SLC1A3: variants seen among roughly 807,000 people sequenced by gnomAD.
SLC1A3 encodes the protein solute carrier family 1 member 3.
Under a neutral mutation model 48.1 loss-of-function variants are expected in SLC1A3, and 21 were observed. That is an observed-to-expected ratio of 0.44 (90% confidence interval 0.31 to 0.63). The LOEUF (loss-of-function observed/expected upper bound fraction) is 0.63. Among genes scored for constraint, SLC1A3 ranks in the 20% least tolerant of loss-of-function variants. The pLI is 0.08. For missense variants in SLC1A3, 546 were observed against 689.0 expected, an observed-to-expected ratio of 0.79 and a Z score of 2.32; for synonymous variants, 239 against 251.4, an observed-to-expected ratio of 0.95 and a Z score of 0.47.
intron 3 of SLC1A3, among the ~76,000 whole-genome samples, chr5:36,640,039 G>A (rs549716551): frequency 8.5e-5 from 13 of 152,158 alleles, no homozygotes; most frequent in Admixed American, 2.0e-4. Context: ...AGGTGGGGGC[G>A]GCTGGGGGAA....
intron 6 of SLC1A3, among the ~76,000 whole-genome samples, chr5:36,678,708 C>T (rs1420026097): frequency 1.3e-5 from 2 of 152,100 alleles, no homozygotes; most frequent in East Asian, 3.8e-4. Context: ...ATCCAGGCAG[C>T]GAGGCCTTTA....
chr5:36,680,299 G>T, intron 7 of SLC1A3, 96 bp from the exon 8 acceptor site: 1 of 998,576 alleles, frequency 1.0e-6, no homozygotes. Context: ...GTTAGAACAT[G>T]GGAGAGGAAG....
In SLC1A3 at chr5:36,608,497, G is replaced by A. The variant is rs769225350; in HGVS notation, c.74G>A (p.Arg25His). ...MERFQQGVRK[R>H]TLLAKKKVQN... is the part of the protein sequence containing the mutation. ...AGATTCCAGCAGGGAGTCCGTAAACGCACACTTTTGGCCAAGAAGAAAGTG... is the reference window on the plus strand; with the variant it reads ...AGATTCCAGCAGGGAGTCCGTAAACACACACTTTTGGCCAAGAAGAAAGTG... Residue 25 changes from arginine (R) to histidine (H), a missense_variant, in exon 2 of 10, where the codon CGC becomes CAC. By Grantham distance (29) the Arg-to-His change is conservative. Around this residue, in one of 3 missense-constraint regions of SLC1A3, gnomAD observed 348 missense variants for 392.0 expected, o/e 0.89. Transcript: ENST00000265113. 7 of 1,613,734 alleles carry A rather than the reference G, an allele frequency of 4.3e-6. No individual in the cohort carries two copies. The highest frequency in any genetic ancestry group is 3.3e-5 in the South Asian group (3 of 91,086).
chr5:36,599,507 A>AATTTTTTTTTT (rs1234773628), intron 1 of SLC1A3, among the ~76,000 whole-genome samples: 2 of 30,626 alleles, frequency 6.5e-5, no homozygotes, highest in South Asian at 1.5e-3. Context: ...CTACGGTTGA[A>AATTTTTTTTTT]CTTTTTTTTT....
intron 8 of SLC1A3, 106 bp from the exon 9 acceptor site, chr5:36,683,758 G>T (rs1482471837): frequency 1.6e-6 from 2 of 1,252,976 alleles, no homozygotes; most frequent in African/African-American, 2.9e-5. Context: ...GTCCTCTTGT[G>T]TTACATGGCA....
intron 8 of SLC1A3, among the ~76,000 whole-genome samples, chr5:36,683,507 G>A (rs1004404442): frequency 6.6e-6 from 1 of 151,906 alleles, no homozygotes; most frequent in East Asian, 1.9e-4. Flanking sequence ...TCAAGAGTTC[G>A]AGACTAACCT....
rs749418809 is a variant in SLC1A3 at position 36,683,900 on chromosome 5, A to G, written c.1326A>G (p.Gly442=). Reference sequence around the variant, plus strand: ...CAGCTGCCAGTATTGGGGCAGCTGGAATTCCTCAGGCGGGCCTGGTCACTA... The same window carrying G: ...CAGCTGCCAGTATTGGGGCAGCTGGGATTCCTCAGGCGGGCCTGGTCACTA... The part of the protein sequence containing the change: ...TATAASIGAA[G]IPQAGLVTMV... The change falls in exon 9 of 10, where the codon GGA becomes GGG. Residue 442 remains glycine, a synonymous_variant. Transcript: ENST00000265113. The G allele has an allele frequency of 1.2e-6, 2 of 1,614,182 alleles. No homozygotes were observed. The highest frequency in any genetic ancestry group is 1.7e-6 in the Non-Finnish European group (2 of 1,180,018).
intron 2 of SLC1A3, among the ~76,000 whole-genome samples, chr5:36,615,040 A>C (rs993591620): frequency 3.9e-5 from 6 of 152,142 alleles, no homozygotes; most frequent in Non-Finnish European, 7.4e-5. Context: ...AATACCTTTC[A>C]TTTTTGTGGT....
chr5:36,681,930 T>C lies in SLC1A3; in HGVS notation c.1289+1341T>C, dbSNP rs78067289. ...GTGAAATGCCCTACATATAGGGAAG[T>C]TGAAACAATATTATACCAACCATCC... On this transcript the variant is annotated intron_variant, in intron 8 of 9. Coordinates refer to ENST00000265113, the MANE Select transcript of SLC1A3 (RefSeq NM_004172.5). Among the ~76,000 whole-genome samples, 393 of 152,310 alleles carry C rather than the reference T, an allele frequency of 2.6e-3. 16 individuals carry two copies. In the East Asian group the frequency reaches 0.059, roughly 23 times the overall value.
intron 2 of SLC1A3, among the ~76,000 whole-genome samples, chr5:36,609,711 T>C (rs1367019247): frequency 1.3e-5 from 2 of 152,204 alleles, no homozygotes; most frequent in African/African-American, 4.8e-5. Flanking sequence ...TAATCACTGG[T>C]GATTAATGAT....
intron 8 of SLC1A3, among the ~76,000 whole-genome samples, chr5:36,681,625 C>T (rs1183298931): frequency 6.6e-6 from 1 of 152,198 alleles, no homozygotes; most frequent in Non-Finnish European, 1.5e-5. Flanking sequence ...TCTGCAGAGG[C>T]AACCAGTGTT....
At chr5:36,659,641 A>C (rs1385363118) in intron 3 of SLC1A3, among the ~76,000 whole-genome samples, 1 of 152,148 alleles carries the variant, frequency 6.6e-6, no homozygotes, top group Non-Finnish European at 1.5e-5. Context: ...AGTTCGTACC[A>C]ACACGTTTCT....
chr5:36,641,846 T>TA (rs1740627387), intron 3 of SLC1A3, among the ~76,000 whole-genome samples: 1 of 152,198 alleles, frequency 6.6e-6, no homozygotes, highest in South Asian at 2.1e-4. Context: ...GGAGCACACT[T>TA]ACTATGTGAA....
chr5:36,609,304 T>C (rs1739099877), intron 2 of SLC1A3: 8 of 907,010 alleles, frequency 8.8e-6, no homozygotes, highest in African/African-American at 3.6e-5. Context: ...TTAAAAGTTA[T>C]AGTTTATTAC....
intron 3 of SLC1A3, among the ~76,000 whole-genome samples, chr5:36,646,740 C>T (rs1039884713): frequency 2.0e-5 from 3 of 152,262 alleles, no homozygotes; most frequent in East Asian, 3.9e-4. Flanking sequence ...AAATAGTTTG[C>T]GGTGTCATAT....
At chr5:36,626,258 A>C (rs996207246) in intron 2 of SLC1A3, among the ~76,000 whole-genome samples, 7 of 152,206 alleles carry the variant, frequency 4.6e-5, no homozygotes, top group African/African-American at 1.7e-4. Flanking sequence ...AAGTGCACCT[A>C]GTATTTAGAA....
chr5:36,673,924 C>T (rs1033802672), intron 4 of SLC1A3, 125 bp from the exon 5 acceptor site: 2 of 786,762 alleles, frequency 2.5e-6, no homozygotes, highest in African/African-American at 3.4e-5. Flanking sequence ...AATCCACTAA[C>T]ATTTTTGTTT....
At chr5:36,632,044 T>C (rs1579972692) in intron 3 of SLC1A3, among the ~76,000 whole-genome samples, 1 of 152,344 alleles carries the variant, frequency 6.6e-6, no homozygotes, top group South Asian at 2.1e-4. Context: ...TTTCAGGCTA[T>C]TTTTTGTTTT....
In SLC1A3 at chr5:36,664,166, C is replaced by CT. The variant is rs764442463; in HGVS notation, c.320-6857dup. Among the ~76,000 whole-genome samples the CT allele has an allele frequency of 2.6e-5, 4 of 152,228 alleles. No individual in the cohort carries two copies. In the East Asian group the frequency reaches 5.8e-4, roughly 22 times the overall value. On this transcript the variant is annotated intron_variant, in intron 3 of 9. Coordinates refer to ENST00000265113, the MANE Select transcript of SLC1A3 (RefSeq NM_004172.5). ...TGTTGTTTTTAGACAGAGTTTCGCT[C>CT]TTTTTTGCCCAGGCTGGAGTGCAAT...
Sources: gnomAD v4.1 joint callset for allele counts (sites outside exome capture counted in the v4.1 genomes callset) on GRCh38, gnomAD v4.1.1 for gene constraint, gnomAD v4.1.1 regional missense constraint, MANE v1.5 for transcripts, NCBI Gene and HGNC (gene_info 2026-07-23, HGNC 2026-07-21) for gene names.